The following TSHZ2 variants were observed in gnomAD, a reference collection of about 807,000 sequenced individuals.
The protein encoded by TSHZ2 is teashirt zinc finger homeobox 2.
A neutral mutation model predicts 74.4 loss-of-function variants in TSHZ2; 21 were observed. The ratio of observed to expected loss-of-function variants is 0.28; its 90% CI spans 0.20 to 0.41. The LOEUF is 0.41. Ranked by LOEUF, TSHZ2 falls within the 10% of genes least tolerant of loss-of-function variation. TSHZ2 has a pLI of 1.00. For synonymous variants in TSHZ2, 540 were observed against 515.3 expected, an observed-to-expected ratio of 1.05 and a Z score of -0.65; for missense variants, 1,244 against 1,293.5, an observed-to-expected ratio of 0.96 and a Z score of 0.59.
At chr20:53,305,691 T>C (rs2145489938) in intron 2 of TSHZ2, among the ~76,000 whole-genome samples, 1 of 152,206 alleles carries the variant, frequency 6.6e-6, no homozygotes, top group Admixed American at 6.5e-5. Flanking sequence ...TAAAAATGTG[T>C]TTGGCTGGCC....
chr20:53,219,456 A>C (rs1989507433), intron 1 of TSHZ2, among the ~76,000 whole-genome samples: 1 of 152,240 alleles, frequency 6.6e-6, no homozygotes, highest in Non-Finnish European at 1.5e-5. Flanking sequence ...CATAGTTAGC[A>C]CTATAACTTT....
chr20:53,316,694 C>G (rs942606294), intron 2 of TSHZ2, among the ~76,000 whole-genome samples: 1 of 151,614 alleles, frequency 6.6e-6, no homozygotes, highest in Admixed American at 6.6e-5. Flanking sequence ...CATTTTGTTA[C>G]TCATTTACTT....
intron 2 of TSHZ2, among the ~76,000 whole-genome samples, chr20:53,267,960 G>A (rs1222199518): frequency 6.6e-6 from 1 of 152,170 alleles, no homozygotes; most frequent in African/African-American, 2.4e-5. Context: ...GGTTGAAGGT[G>A]GGACTCAAAC....
At chr20:53,075,032 A>G (rs759055565) in intron 1 of TSHZ2, among the ~76,000 whole-genome samples, 2 of 152,236 alleles carry the variant, frequency 1.3e-5, no homozygotes, top group Non-Finnish European at 2.9e-5. Flanking sequence ...TCACATTTTG[A>G]AATTTCATGA....
In TSHZ2 at chr20:52,973,291, A is replaced by G; in HGVS notation, c.-3A>G. On this transcript the variant is annotated 5_prime_UTR_variant, in exon 1 of 3. Coordinates refer to ENST00000371497, the MANE Select transcript of TSHZ2 (RefSeq NM_173485.6). The stretch of plus-strand genomic sequence containing the variant: ...CAGAAGTGGGACTGGAGCGAAGTAG[A>G]GGATGCCGAGGAGAAAACAGCAGGC... 1 of 1,552,714 alleles carries G rather than the reference A, an allele frequency of 6.4e-7. No individual in the cohort carries two copies.
At chr20:53,263,715 C>T (rs1445511899) in intron 2 of TSHZ2, among the ~76,000 whole-genome samples, 2 of 152,210 alleles carry the variant, frequency 1.3e-5, no homozygotes, top group African/African-American at 4.8e-5. Context: ...GGTGGAGACA[C>T]TGGACCTGTT....
At chr20:53,202,995 A>C (rs1418684095) in intron 1 of TSHZ2, among the ~76,000 whole-genome samples, 2 of 152,136 alleles carry the variant, frequency 1.3e-5, no homozygotes, top group Non-Finnish European at 2.9e-5. Context: ...TAGGCAGATC[A>C]AGGGACACAA....
At chr20:53,289,934 A>G (rs1991249497) in intron 2 of TSHZ2, among the ~76,000 whole-genome samples, 2 of 152,230 alleles carry the variant, frequency 1.3e-5, no homozygotes, top group Admixed American at 1.3e-4. Flanking sequence ...CATTGCTATT[A>G]TTTCAATGAT....
At chr20:53,233,892 G>A (rs909516383) in intron 1 of TSHZ2, among the ~76,000 whole-genome samples, 9 of 152,126 alleles carry the variant, frequency 5.9e-5, no homozygotes, top group Admixed American at 3.9e-4. Flanking sequence ...AAAATAACAT[G>A]CTTTGGATTT....
At chr20:53,371,650 C>T (rs920193297) in intron 2 of TSHZ2, among the ~76,000 whole-genome samples, 1 of 152,140 alleles carries the variant, frequency 6.6e-6, no homozygotes, top group African/African-American at 2.4e-5. Flanking sequence ...CCGAAGTGGG[C>T]GGATCACTTG....
At chr20:53,154,998 A>G (rs1365715524) in intron 1 of TSHZ2, among the ~76,000 whole-genome samples, 1 of 151,990 alleles carries the variant, frequency 6.6e-6, no homozygotes, top group South Asian at 2.1e-4. Flanking sequence ...TGAAAAAAAA[A>G]TAGTTAATAT....
intron 2 of TSHZ2, among the ~76,000 whole-genome samples, chr20:53,287,066 G>A (rs1991182298): frequency 6.6e-6 from 1 of 152,254 alleles, no homozygotes; most frequent in South Asian, 2.1e-4. Flanking sequence ...TTGCTGTGAT[G>A]GGAAAGATAC....
At chr20:53,001,220 G>GTGTGTGTGTGTGTATA (rs1555813590) in intron 1 of TSHZ2, among the ~76,000 whole-genome samples, 24 of 146,302 alleles carry the variant, frequency 1.6e-4, no homozygotes, top group African/African-American at 5.2e-4. Flanking sequence ...GTGTGTGTGT[G>GTGTGTGTGTGTGTATA]TGTGTGTGTG....
At chr20:53,054,088 G>A (rs932018994) in intron 1 of TSHZ2, among the ~76,000 whole-genome samples, 3 of 152,314 alleles carry the variant, frequency 2.0e-5, no homozygotes, top group Non-Finnish European at 2.9e-5. Flanking sequence ...GATCCGGAGC[G>A]AATCGAGGAA....
At chr20:53,391,448 TTTTTTGTTTGTTTGTTTG>T (rs1352278696) in intron 2 of TSHZ2, among the ~76,000 whole-genome samples, 1 of 151,482 alleles carries the variant, frequency 6.6e-6, no homozygotes, top group Non-Finnish European at 1.5e-5. Context: ...CCAGGCCGTT[TTTTTTGTTTGTTTGTTTG>T]TTTTTTGTTT....
chr20:53,166,359 T>C (rs1290622703), intron 1 of TSHZ2, among the ~76,000 whole-genome samples: 1 of 152,190 alleles, frequency 6.6e-6, no homozygotes, highest in Non-Finnish European at 1.5e-5. Context: ...GGCTTACACC[T>C]GTAATCCCAA....
intron 1 of TSHZ2, among the ~76,000 whole-genome samples, chr20:53,030,399 T>C (rs572527418): frequency 2.0e-5 from 3 of 150,384 alleles, no homozygotes; most frequent in Non-Finnish European, 4.4e-5. Flanking sequence ...AACAGGAAAT[T>C]CACAGTTTCA....
rs560742463 is a variant in TSHZ2, at chr20:53,364,233, G to A, written c.*8+107662G>A. Reference sequence around the variant, plus strand: ...TCTGCTCAGCTCAACAAGGACCGCCGTGTGGGAAGACAAAGCCCAGCTGGC... The same window carrying A: ...TCTGCTCAGCTCAACAAGGACCGCCATGTGGGAAGACAAAGCCCAGCTGGC... On this transcript the variant is annotated intron_variant, in intron 2 of 2. Transcript: ENST00000371497. Among the ~76,000 whole-genome samples the A allele has an allele frequency of 3.1e-4, 47 of 152,332 alleles. 1 individual carries two copies. The highest frequency in any genetic ancestry group is 1.9e-3 in the Admixed American group (29 of 15,308).
intron 1 of TSHZ2, among the ~76,000 whole-genome samples, chr20:53,164,334 T>G (rs1988016800): frequency 6.6e-6 from 1 of 152,170 alleles, no homozygotes; most frequent in Admixed American, 6.5e-5. Context: ...CACCTTTGCC[T>G]TTTATTTTGA....
Sources: allele counts gnomAD v4.1 joint callset (sites outside exome capture counted in the v4.1 genomes callset), GRCh38; gene constraint gnomAD v4.1.1; transcripts MANE v1.5; gene names NCBI Gene and HGNC (gene_info 2026-07-23, HGNC 2026-07-21).